SCD5: variants seen among roughly 807,000 people sequenced by gnomAD.
SCD5 encodes the protein stearoyl-CoA desaturase 5.
A neutral mutation model predicts 30.4 loss-of-function variants in SCD5; 20 were observed. That is an observed-to-expected ratio of 0.66 (90% CI 0.46 to 0.96). SCD5 has a LOEUF of 0.96. SCD5 is among the 40% of genes least tolerant of loss of function. The probability of loss-of-function intolerance (pLI) is 0.00; values close to 1 mark genes in which losing one functional copy is unlikely to be tolerated. For missense variants in SCD5, 381 were observed against 443.3 expected (o/e 0.86, Z 1.26); for synonymous variants, 173 against 176.4 (o/e 0.98, Z 0.16).
intron 2 of SCD5, among the ~76,000 whole-genome samples, chr4:82,699,983 A>G (rs1274622541): frequency 1.3e-5 from 2 of 151,778 alleles, no homozygotes; most frequent in Admixed American, 6.6e-5. Flanking sequence ...TTGGAAGGCC[A>G]AGGCAGGTGG....
Position 82,636,814 on chromosome 4 carries a change from C to T in SCD5, c.579G>A (p.Lys193=), listed in dbSNP as rs750911964. ...PVVRIQRKYY[K]ISVVLMCFVV... ...CAAAGCACATGAGCACCACGGAGAT[C>T]TTATAGTACCTACAGGGCAAGACAC... Residue 193 remains lysine, a synonymous_variant, in exon 4 of 5, where the codon AAG becomes AAA. Coordinates refer to ENST00000319540, the MANE Select transcript of SCD5 (RefSeq NM_001037582.3). 4 of 1,611,080 alleles carry T rather than the reference C, an allele frequency of 2.5e-6. No individual in the cohort carries two copies. The African/African-American group carries it at 4.0e-5, about 16-fold the overall frequency.
chr4:82,678,348 A>AC (rs1728480262), intron 3 of SCD5, among the ~76,000 whole-genome samples: 1 of 152,178 alleles, frequency 6.6e-6, no homozygotes, highest in Non-Finnish European at 1.5e-5. Context: ...CCGCCAATAC[A>AC]CACATAATGA....
intron 1 of SCD5, among the ~76,000 whole-genome samples, chr4:82,711,803 C>T (rs1169985063): frequency 6.6e-6 from 1 of 152,092 alleles, no homozygotes; most frequent in Non-Finnish European, 1.5e-5. Flanking sequence ...TGAAACCAAG[C>T]CTTGTTCATT....
At chr4:82,716,821 A>AAAAG (rs971184303) in intron 1 of SCD5, among the ~76,000 whole-genome samples, 5 of 151,934 alleles carry the variant, frequency 3.3e-5, no homozygotes, top group East Asian at 3.9e-4. Context: ...CTCAATAAAC[A>AAAAG]AAAGAAAGAA....
chr4:82,650,114 C>G (rs2148814509), intron 3 of SCD5, among the ~76,000 whole-genome samples: 1 of 152,264 alleles, frequency 6.6e-6, no homozygotes, highest in Non-Finnish European at 1.5e-5. Context: ...TCTCTATAAA[C>G]TAGGTAGTAG....
intron 1 of SCD5, among the ~76,000 whole-genome samples, chr4:82,721,074 T>A (rs6535396): frequency 0.59 from 90,100 of 151,926 alleles, 28,594 homozygotes; most frequent in African/African-American, 0.83. Flanking sequence ...GGTAGGAGGA[T>A]CTCTTGAGCC....
chr4:82,697,675 T>A (rs1477255044), intron 2 of SCD5, among the ~76,000 whole-genome samples: 1 of 152,200 alleles, frequency 6.6e-6, no homozygotes, highest in Non-Finnish European at 1.5e-5. Context: ...AAAGTATAAT[T>A]AATCCTGCCA....
At chr4:82,643,929 G>A (rs1727591732) in intron 3 of SCD5, among the ~76,000 whole-genome samples, 1 of 152,204 alleles carries the variant, frequency 6.6e-6, no homozygotes, top group African/African-American at 2.4e-5. Flanking sequence ...CCTTGGATAA[G>A]CTGTTGAGCC....
intron 1 of SCD5, among the ~76,000 whole-genome samples, chr4:82,797,756 T>A (rs1401568356): frequency 6.6e-6 from 1 of 151,748 alleles, no homozygotes; most frequent in African/African-American, 2.4e-5. Context: ...GGGGAACCGG[T>A]ATCTTCCATC....
chr4:82,634,489 C>CG (rs1429897927), intron 4 of SCD5, among the ~76,000 whole-genome samples: 2 of 128,062 alleles, frequency 1.6e-5, no homozygotes, highest in Non-Finnish European at 1.8e-5. Context: ...ACCACCTCCC[C>CG]CCCCCATCAT....
At chr4:82,652,041 A>G (rs4693476) in intron 3 of SCD5, among the ~76,000 whole-genome samples, 144,978 of 152,312 alleles carry the variant, frequency 0.95, 69,100 homozygotes, top group East Asian at 1. Flanking sequence ...ATGAGATTCC[A>G]CCTTTCTAAC....
intron 2 of SCD5, among the ~76,000 whole-genome samples, chr4:82,691,030 T>G (rs1214928281): frequency 1.3e-5 from 2 of 152,110 alleles, no homozygotes; most frequent in African/African-American, 4.8e-5. Context: ...TTGTTTTGTT[T>G]TGTTTTGTTT....
At chr4:82,682,902 G>A (rs1369305712) in intron 2 of SCD5, among the ~76,000 whole-genome samples, 2 of 152,110 alleles carry the variant, frequency 1.3e-5, no homozygotes, top group South Asian at 2.1e-4. Context: ...TGAAACCTCC[G>A]CCTCCTGGGT....
At chr4:82,694,703 T>G (rs547452027) in intron 2 of SCD5, among the ~76,000 whole-genome samples, 1 of 152,044 alleles carries the variant, frequency 6.6e-6, no homozygotes, top group Non-Finnish European at 1.5e-5. Context: ...AGAAAATATA[T>G]TTACTATTCA....
At chr4:82,639,596 A>G (rs1304091289) in intron 3 of SCD5, among the ~76,000 whole-genome samples, 1 of 152,256 alleles carries the variant, frequency 6.6e-6, no homozygotes, top group African/African-American at 2.4e-5. Context: ...ACGTGGGAGC[A>G]TCATCTGAAG....
chr4:82,685,425 A>T (rs552584684), intron 2 of SCD5, among the ~76,000 whole-genome samples: 21 of 152,300 alleles, frequency 1.4e-4, no homozygotes, highest in African/African-American at 4.8e-4. Context: ...ATAAAAGGTG[A>T]AAAGAGGCTG....
intron 1 of SCD5, among the ~76,000 whole-genome samples, chr4:82,782,792 A>C (rs1031280836): frequency 9.2e-5 from 14 of 152,186 alleles, no homozygotes; most frequent in African/African-American, 3.4e-4. Flanking sequence ...CTTTACACCA[A>C]CGTGTGGATT....
intron 1 of SCD5, among the ~76,000 whole-genome samples, chr4:82,727,296 C>A (rs1219389312): frequency 2.0e-5 from 3 of 152,202 alleles, no homozygotes; most frequent in Non-Finnish European, 4.4e-5. Context: ...GGGATGCCAT[C>A]TGCATAGAAC....
intron 1 of SCD5, among the ~76,000 whole-genome samples, chr4:82,746,219 T>G (rs1050928996): frequency 6.6e-6 from 1 of 152,168 alleles, no homozygotes; most frequent in African/African-American, 2.4e-5. Flanking sequence ...TATCACTGAA[T>G]TAGAAAACTA....
Sources: allele counts gnomAD v4.1 joint callset (sites outside exome capture counted in the v4.1 genomes callset), GRCh38; gene constraint gnomAD v4.1.1; transcripts MANE v1.5; gene names NCBI Gene and HGNC (gene_info 2026-07-23, HGNC 2026-07-21).